The following SPON1 variants were observed in gnomAD, a reference collection of about 807,000 sequenced individuals.
SPON1 encodes spondin-1.
A neutral mutation model predicts 111.7 loss-of-function variants in SPON1; 52 were observed. The ratio of observed to expected loss-of-function variants is 0.47; its 90% CI spans 0.37 to 0.59. SPON1 has a LOEUF of 0.59. SPON1 is among the 20% of genes least tolerant of loss of function. SPON1 has a pLI of 0.00. For synonymous variants in SPON1, 410 were observed against 395.8 expected, an observed-to-expected ratio of 1.04 and a Z score of -0.43; for missense variants, 957 against 1,068.5, an observed-to-expected ratio of 0.90 and a Z score of 1.46.
At chr11:13,968,927 A>G (rs1848040724) in intron 1 of SPON1, among the ~76,000 whole-genome samples, 1 of 152,246 alleles carries the variant, frequency 6.6e-6, no homozygotes, top group Admixed American at 6.5e-5. Context: ...TATTTTTCAA[A>G]AAGATGAAAC....
At chr11:14,069,561 C>G (rs546219927) in intron 3 of SPON1, among the ~76,000 whole-genome samples, 1 of 152,062 alleles carries the variant, frequency 6.6e-6, no homozygotes, top group African/African-American at 2.4e-5. Context: ...ACATTGATTT[C>G]CAGTTTCCTT....
chr11:14,023,732 G>T (rs551228610), intron 2 of SPON1, among the ~76,000 whole-genome samples: 1 of 152,152 alleles, frequency 6.6e-6, no homozygotes, highest in Admixed American at 6.5e-5. Flanking sequence ...GGCCAGGTGC[G>T]GTGGCTCACG....
intron 3 of SPON1, among the ~76,000 whole-genome samples, chr11:14,068,817 GT>G (rs1488319567): frequency 1.3e-5 from 2 of 152,184 alleles, no homozygotes; most frequent in Non-Finnish European, 2.9e-5. Context: ...ACAGATTTGT[GT>G]TGTGAGAGTC....
chr11:14,107,685 A>G lies in SPON1; in HGVS notation c.676+27664A>G, dbSNP rs1554925072. On this transcript the variant is annotated intron_variant, in intron 5 of 15. Coordinates refer to ENST00000576479, the MANE Select transcript of SPON1 (RefSeq NM_006108.4). ...ACTAAAATAGGAAGGTGGGAGAGAG[A>G]GCAAGTTCTTGCTGAAATACCAAAT... 5.3e-5 allele frequency among the ~76,000 whole-genome samples: 8 copies of G among 152,170 alleles called. No homozygotes were observed. In the South Asian group the frequency reaches 1.5e-3, roughly 28 times the overall value.
intron 2 of SPON1, among the ~76,000 whole-genome samples, chr11:14,011,319 A>G (rs1848402756): frequency 6.6e-6 from 1 of 152,100 alleles, no homozygotes; most frequent in Non-Finnish European, 1.5e-5. Context: ...GTGTTGGACA[A>G]TTTTTCAGGT....
At chr11:14,193,131 C>T (rs782162113) in intron 6 of SPON1, among the ~76,000 whole-genome samples, 3 of 152,188 alleles carry the variant, frequency 2.0e-5, no homozygotes, top group African/African-American at 4.8e-5. Flanking sequence ...ATATTGGACA[C>T]AGTTGAGATC....
At chr11:14,129,585 C>A (rs781896925) in intron 5 of SPON1, among the ~76,000 whole-genome samples, 2 of 152,200 alleles carry the variant, frequency 1.3e-5, no homozygotes, top group Non-Finnish European at 2.9e-5. Context: ...TATCCCACAT[C>A]TTCCTGTCTT....
At chr11:14,052,137 G>A (rs1848712094) in intron 3 of SPON1, among the ~76,000 whole-genome samples, 1 of 152,188 alleles carries the variant, frequency 6.6e-6, no homozygotes, top group Non-Finnish European at 1.5e-5. Context: ...TACCTGTGAG[G>A]TGAGATATTG....
intron 5 of SPON1, among the ~76,000 whole-genome samples, chr11:14,100,679 T>A (rs1387308425): frequency 1.3e-5 from 2 of 152,206 alleles, no homozygotes; most frequent in African/African-American, 4.8e-5. Context: ...TTTTCTCTAG[T>A]CTTTGCTTTT....
rs71041572 is a variant in SPON1 at position 14,141,029 on chromosome 11, C to CCCCCCCCA, written c.825+5461_825+5462insCCCCCCCA. 1.7e-3 allele frequency among the ~76,000 whole-genome samples: 229 copies of CCCCCCCCA among 131,720 alleles called. 2 individuals are homozygous for CCCCCCCCA. The highest frequency in any genetic ancestry group is 2.3e-3 in the Non-Finnish European group (140 of 60,260). 86.4% of individuals were successfully genotyped at this position (131,720 alleles called of 152,430 possible). A position where few individuals can be genotyped will look rare whatever the true frequency, so the allele number is the denominator to read the frequency against. ...CCACTGTATGCAGGCGTGCCCCCCC[C>CCCCCCCCA]ATGCCCCACTTCTCACTGGCTCAAG... On this transcript the variant is annotated intron_variant, in intron 6 of 15. Transcript: ENST00000576479.
intron 6 of SPON1, among the ~76,000 whole-genome samples, chr11:14,146,006 T>C (rs1238905790): frequency 6.6e-6 from 1 of 152,142 alleles, no homozygotes; most frequent in Non-Finnish European, 1.5e-5. Context: ...TATATATGCA[T>C]AGAATATCTC....
At chr11:14,168,122 C>G (rs1554932013) in intron 6 of SPON1, among the ~76,000 whole-genome samples, 2 of 152,134 alleles carry the variant, frequency 1.3e-5, no homozygotes, top group African/African-American at 4.8e-5. Context: ...TTTAGCATAG[C>G]TAGTAGGCAT....
At chr11:14,044,627 C>A (rs946197219) in intron 3 of SPON1, among the ~76,000 whole-genome samples, 4 of 152,072 alleles carry the variant, frequency 2.6e-5, no homozygotes, top group Non-Finnish European at 4.4e-5. Flanking sequence ...AATAAACAAA[C>A]AAATAAAATC....
intron 7 of SPON1, among the ~76,000 whole-genome samples, chr11:14,248,588 C>T (rs1191491865): frequency 6.6e-6 from 1 of 152,162 alleles, no homozygotes; most frequent in Non-Finnish European, 1.5e-5. Context: ...TTCCCATACC[C>T]CAGTCTCCCC....
Position 14,041,832 on chromosome 11 carries a change from C to G in SPON1, c.479+178C>G, listed in dbSNP as rs561594331. 6.6e-5 allele frequency among the ~76,000 whole-genome samples: 10 copies of G among 152,196 alleles called. No individual in the cohort carries two copies. In the South Asian group the frequency reaches 1.9e-3, roughly 28 times the overall value. On this transcript the variant is annotated intron_variant, in intron 3 of 15. Coordinates refer to ENST00000576479, the MANE Select transcript of SPON1 (RefSeq NM_006108.4). ...ATTGGTGAAGTGTTCCATAAAGATT[C>G]ATTTGCTAGAATCTCTATTTTCATC...
At chr11:14,060,630 C>G (rs1019455321) in intron 3 of SPON1, among the ~76,000 whole-genome samples, 22 of 152,230 alleles carry the variant, frequency 1.4e-4, no homozygotes, top group Non-Finnish European at 3.1e-4. Context: ...GGCCCCACCT[C>G]TGGAAATTCT....
At chr11:14,209,340 C>T (rs1038581276) in intron 6 of SPON1, among the ~76,000 whole-genome samples, 9 of 152,104 alleles carry the variant, frequency 5.9e-5, no homozygotes, top group Non-Finnish European at 1.2e-4. Context: ...TATACATGTG[C>T]CATGGCGGTT....
chr11:13,987,491 A>G (rs1206510535), intron 2 of SPON1, among the ~76,000 whole-genome samples: 2 of 152,026 alleles, frequency 1.3e-5, no homozygotes, highest in African/African-American at 2.4e-5. Flanking sequence ...ATTTTCTCCC[A>G]TTCTGTAGGT....
At chr11:14,061,968 C>A (rs1015473806) in intron 3 of SPON1, among the ~76,000 whole-genome samples, 4 of 152,200 alleles carry the variant, frequency 2.6e-5, no homozygotes, top group African/African-American at 9.7e-5. Flanking sequence ...ACCATCAGTG[C>A]TGGAAGTTTA....
Sources: gnomAD v4.1 joint callset for allele counts (sites outside exome capture counted in the v4.1 genomes callset) on GRCh38, gnomAD v4.1.1 for gene constraint, MANE v1.5 for transcripts, NCBI Gene and HGNC (gene_info 2026-07-23, HGNC 2026-07-21) for gene names.